Variants in CYSTM1 observed in about 807,000 individuals in gnomAD.
CYSTM1 encodes cysteine rich transmembrane module containing 1.
CYSTM1 carries 4 observed loss-of-function variants against 13.1 expected under a neutral mutation model. The observed-to-expected ratio is 0.31, with a 90% CI of 0.15 to 0.70. The LOEUF (loss-of-function observed/expected upper bound fraction) is 0.70. CYSTM1 is among the 30% of genes least tolerant of loss of function. The pLI is 0.72. For missense variants in CYSTM1, 96 were observed against 121.6 expected, an observed-to-expected ratio of 0.79 and a Z score of 0.99; for synonymous variants, 36 against 42.7, an observed-to-expected ratio of 0.84 and a Z score of 0.62.
intron 2 of CYSTM1, among the ~76,000 whole-genome samples, chr5:140,217,045 A>G (rs1199884052): frequency 6.6e-6 from 1 of 152,106 alleles, no homozygotes; most frequent in Non-Finnish European, 1.5e-5. Flanking sequence ...ATGATTTTCA[A>G]TTGCATTTTC....
At chr5:140,201,602 C>T (rs1446649935) in intron 2 of CYSTM1, 1 of 152,272 alleles carries the variant, frequency 6.6e-6, no homozygotes, top group Non-Finnish European at 1.5e-5. Flanking sequence ...CCTATACAGA[C>T]TTCTTTCAGA....
chr5:140,228,821 G>A (rs1764589656), intron 2 of CYSTM1: 2 of 399,230 alleles, frequency 5.0e-6, no homozygotes, highest in African/African-American at 2.1e-5. Flanking sequence ...GCTGCCTCCT[G>A]GACAACTTGA....
Position 140,194,599 on chromosome 5 carries a change from G to A in CYSTM1, c.134G>A (p.Gly45Glu). 1 of 1,613,542 alleles carries A rather than the reference G, an allele frequency of 6.2e-7. No homozygotes were observed. Residue 45 changes from glycine to glutamate, a missense_variant, in exon 2 of 3, where the codon GGA becomes GAA. Transcript: ENST00000261811. ...YPPPQGYPYQ[G>E]YPQYGWQGGP... ...CCTCCTCAAGGGTACCCCTACCAAG[G>A]ATACCCACAGTACGGCTGGCAGGGT...
chr5:140,209,176 G>C (rs1764333540), intron 2 of CYSTM1, among the ~76,000 whole-genome samples: 1 of 152,094 alleles, frequency 6.6e-6, no homozygotes, highest in East Asian at 1.9e-4. Flanking sequence ...ATATGCAGGA[G>C]AGAGGACAGA....
intron 1 of CYSTM1, among the ~76,000 whole-genome samples, chr5:140,194,132 A>C (rs1361895925): frequency 1.3e-5 from 2 of 152,188 alleles, no homozygotes; most frequent in African/African-American, 4.8e-5. Context: ...CATTTAACAC[A>C]TTTATTTAGG....
chr5:140,232,625 T>G lies in CYSTM1; in HGVS notation c.188-10680T>G, dbSNP rs141119766. On this transcript the variant is annotated intron_variant, in intron 2 of 2. Coordinates refer to ENST00000261811, the MANE Select transcript of CYSTM1 (RefSeq NM_032412.4). Reference sequence around the variant, plus strand: ...CTGAGGAGGTGGACTTTTCTCCAGTTCTTGTTCTGTGAAGGAAATCAACAG... The same window carrying G: ...CTGAGGAGGTGGACTTTTCTCCAGTGCTTGTTCTGTGAAGGAAATCAACAG... Among the ~76,000 whole-genome samples the G allele has an allele frequency of 7.2e-4, 110 of 152,286 alleles. No individual in the cohort carries two copies. The Middle Eastern group carries it at 0.02, about 28-fold the overall frequency.
chr5:140,217,803 G>A (rs905557064), intron 2 of CYSTM1, among the ~76,000 whole-genome samples: 1 of 152,174 alleles, frequency 6.6e-6, no homozygotes, highest in Non-Finnish European at 1.5e-5. Context: ...GAGGTAAGGA[G>A]TACAAGACAG....
intron 2 of CYSTM1, among the ~76,000 whole-genome samples, chr5:140,241,411 C>G (rs1764747833): frequency 6.6e-6 from 1 of 152,200 alleles, no homozygotes; most frequent in South Asian, 2.1e-4. Context: ...CAGCACAGGG[C>G]CTGGCACTTG....
Position 140,230,770 on chromosome 5 carries a change from C to A in CYSTM1, c.188-12535C>A, listed in dbSNP as rs900460008. Among the ~76,000 whole-genome samples the A allele has an allele frequency of 6.6e-6, 1 of 152,144 alleles. No homozygotes were observed. The highest frequency in any genetic ancestry group is 2.4e-5 in the African/African-American group (1 of 41,436). On this transcript the variant is annotated intron_variant, in intron 2 of 2. Coordinates refer to ENST00000261811, the MANE Select transcript of CYSTM1 (RefSeq NM_032412.4). This position sits in a 1 kb window ranked among gnomAD's most constrained non-coding sequence, Gnocchi z 4.1. ...GGATTGGTGTCTTTAATCTTTGGGG[C>A]ACAGTTTCAGTCCTTTCCCTATTAA...
rs775458489 is a variant in CYSTM1 at position 140,194,563 on chromosome 5, G to A, written c.98G>A (p.Gly33Glu). 7 of 1,613,630 alleles carry A rather than the reference G, an allele frequency of 4.3e-6. No individual in the cohort carries two copies. The East Asian group carries it at 6.7e-5, about 15-fold the overall frequency. The part of the protein sequence containing the change: ...PQPMGPGPMG[G>E]PYPPPQGYPY... ...CCAATGGGTCCAGGACCTATGGGGG[G>A]ACCCTACCCACCTCCTCAAGGGTAC... is the stretch of plus-strand genomic sequence containing the variant. The change falls in exon 2 of 3, where the codon GGA (glycine) becomes GAA (glutamate). Residue 33 changes from glycine (G) to glutamate (E), a missense_variant. Gly to Glu is a moderately conservative substitution (Grantham distance 98). Transcript: ENST00000261811.
At chr5:140,194,211 T>C (rs1411370252) in intron 1 of CYSTM1, among the ~76,000 whole-genome samples, 1 of 152,192 alleles carries the variant, frequency 6.6e-6, no homozygotes, top group Non-Finnish European at 1.5e-5. Flanking sequence ...TTACTTGATA[T>C]CTACTGTCAC....
chr5:140,242,061 C>T (rs942056412), intron 2 of CYSTM1, among the ~76,000 whole-genome samples: 21 of 152,142 alleles, frequency 1.4e-4, no homozygotes, highest in African/African-American at 3.1e-4. Context: ...GCTGTGAAGA[C>T]GAAATCAGGT....
At chr5:140,213,197 G>T (rs1361718351) in intron 2 of CYSTM1, among the ~76,000 whole-genome samples, 2 of 151,396 alleles carry the variant, frequency 1.3e-5, no homozygotes, top group African/African-American at 4.8e-5. Context: ...TAATGTTAAT[G>T]ATACTGACCT....
chr5:140,210,823 T>A (rs958182737), intron 2 of CYSTM1, among the ~76,000 whole-genome samples: 3 of 152,146 alleles, frequency 2.0e-5, no homozygotes, highest in Non-Finnish European at 4.4e-5. Flanking sequence ...TAATTAAAAT[T>A]TTAAGTGAGC....
intron 2 of CYSTM1, among the ~76,000 whole-genome samples, chr5:140,231,549 A>G (rs1258274079): frequency 1.3e-5 from 2 of 152,240 alleles, no homozygotes; most frequent in East Asian, 3.8e-4. Flanking sequence ...ATAAACCCAC[A>G]GGTAATAATT....
At chr5:140,223,500 CTGAGCTGGGA>C (rs1187464030) in intron 2 of CYSTM1, among the ~76,000 whole-genome samples, 1 of 152,190 alleles carries the variant, frequency 6.6e-6, no homozygotes, top group Non-Finnish European at 1.5e-5. Context: ...TCAGCTGGGT[CTGAGCTGGGA>C]TGAGCTGACA....
chr5:140,179,198 T>G (rs958889352), intron 1 of CYSTM1, among the ~76,000 whole-genome samples: 2 of 151,452 alleles, frequency 1.3e-5, no homozygotes, highest in Non-Finnish European at 2.9e-5. Flanking sequence ...AGTTTGAGGC[T>G]GCAATGAACC....
rs550620717 is a variant in CYSTM1, at chr5:140,175,703, A to G, written c.-21+418A>G. ...CTGAGGCGCTGCTCTGCCTATTCCG[A>G]GCTGGGCCAGCCGGGGGCAGGGGGC... On this transcript the variant is annotated intron_variant, in intron 1 of 2. Transcript: ENST00000261811. The surrounding 1 kb of genome is among the most constrained non-coding windows in gnomAD (Gnocchi z 4.9). Among the ~76,000 whole-genome samples, 2 of 151,980 alleles carry G rather than the reference A, an allele frequency of 1.3e-5. No homozygotes were observed. Among genetic ancestry groups the G allele is most frequent in the South Asian group, 4.2e-4 (2 of 4,818 alleles).
chr5:140,179,311 C>T (rs1264322190), intron 1 of CYSTM1, among the ~76,000 whole-genome samples: 1 of 150,732 alleles, frequency 6.6e-6, no homozygotes, highest in Non-Finnish European at 1.5e-5. Context: ...GTAATCTCAG[C>T]ACTTTGGGAG....
Sources: allele counts gnomAD v4.1 joint callset (sites outside exome capture counted in the v4.1 genomes callset), GRCh38; gene constraint gnomAD v4.1.1; non-coding constraint Gnocchi (gnomAD v3.1); transcripts MANE v1.5; gene names NCBI Gene and HGNC (gene_info 2026-07-23, HGNC 2026-07-21).